SPTLC1: variants seen among roughly 807,000 people sequenced by gnomAD.
SPTLC1 encodes serine palmitoyltransferase 1.
In SPTLC1, 55 loss-of-function variants were observed where a neutral mutation model predicts 68.9. The observed-to-expected ratio is 0.80, with a 90% CI of 0.64 to 1.00. The LOEUF is 1.00. Among genes scored for constraint, SPTLC1 ranks in the 50% least tolerant of loss-of-function variants. The pLI, the probability that SPTLC1 is intolerant of heterozygous loss-of-function variation, is 0.00. For synonymous variants in SPTLC1, 197 were observed against 201.6 expected, an observed-to-expected ratio of 0.98 and a Z score of 0.19; for missense variants, 449 against 573.1, an observed-to-expected ratio of 0.78 and a Z score of 2.21.
intron 3 of SPTLC1, among the ~76,000 whole-genome samples, chr9:92,101,151 G>C (rs1319729361): frequency 6.6e-6 from 1 of 151,994 alleles, no homozygotes; most frequent in Non-Finnish European, 1.5e-5. Context: ...TTGAAATATT[G>C]ATCTTAAGAA....
At chr9:92,104,550 AC>A (rs1587612957) in intron 3 of SPTLC1, 2 of 1,448,028 alleles carry the variant, frequency 1.4e-6, no homozygotes, top group East Asian at 4.9e-5. Context: ...ATGTTTGGAC[AC>A]CTCAGCCCCG....
At chr9:92,067,939 T>C in intron 6 of SPTLC1, 27 bp downstream of exon 6, 1 of 1,611,844 alleles carries the variant, frequency 6.2e-7, no homozygotes, top group Non-Finnish European at 8.5e-7. Context: ...GGAACTGCTA[T>C]TAGAAAACTA....
chr9:92,063,256 C>CACACA (rs1834165444), intron 6 of SPTLC1, among the ~76,000 whole-genome samples: 2 of 152,146 alleles, frequency 1.3e-5, no homozygotes, highest in Admixed American at 1.3e-4. Context: ...ACATGTACAT[C>CACACA]TGACAACTTT....
chr9:92,053,153 G>A (rs181402627), intron 8 of SPTLC1, among the ~76,000 whole-genome samples: 22 of 151,786 alleles, frequency 1.4e-4, no homozygotes, highest in African/African-American at 5.3e-4. Context: ...AAGAAAAGAG[G>A]CTCAGCATCA....
intron 5 of SPTLC1, among the ~76,000 whole-genome samples, chr9:92,073,617 G>A (rs1834574487): frequency 1.3e-5 from 2 of 151,290 alleles, no homozygotes; most frequent in South Asian, 2.1e-4. Context: ...ACAGAAGGCC[G>A]CCTTATTCTT....
rs150748470 is a variant in SPTLC1, at chr9:92,049,951, G to A, written c.888+9C>T. On this transcript the variant is annotated intron_variant, in intron 9 of 14. Coordinates refer to ENST00000262554, the MANE Select transcript of SPTLC1 (RefSeq NM_006415.4). ...AGAGGGGAAACGTTCTTAAAAAAGG[G>A]GAACTTACATTGATTCCATAGTGTT... is the stretch of plus-strand genomic sequence containing the variant. 3 of 1,568,010 alleles carry A rather than the reference G, an allele frequency of 1.9e-6. No homozygotes were observed. Among genetic ancestry groups the A allele is most frequent in the Admixed American group, 1.7e-5 (1 of 59,948 alleles).
At chr9:92,052,509 G>A (rs1833735335) in intron 8 of SPTLC1, among the ~76,000 whole-genome samples, 1 of 151,730 alleles carries the variant, frequency 6.6e-6, no homozygotes, top group Non-Finnish European at 1.5e-5. Context: ...TGATAATTTT[G>A]GATTAAACAA....
intron 5 of SPTLC1, chr9:92,079,600 C>G (rs774218535): frequency 4.5e-6 from 7 of 1,555,408 alleles, no homozygotes; most frequent in East Asian, 4.5e-5. Flanking sequence ...GTTTATCCCC[C>G]CTCCCTCCAC....
At chr9:92,106,913 TTCCTC>T (rs1357767927) in intron 3 of SPTLC1, among the ~76,000 whole-genome samples, 1 of 151,996 alleles carries the variant, frequency 6.6e-6, no homozygotes, top group Non-Finnish European at 1.5e-5. Flanking sequence ...CTCCTCCTCT[TTCCTC>T]CCCTCCTCCT....
Position 92,049,970 on chromosome 9 carries a change from T to C in SPTLC1, c.878A>G (p.Tyr293Cys), listed in dbSNP as rs1173330598. Reference protein sequence around the residue: ...GEHGRGVTEHYGINIDDIDLI... With the variant: ...GEHGRGVTEHCGINIDDIDLI... ...AAAAGGGGAACTTACATTGATTCCATAGTGTTCAGTGACTCCTCGGCCATG... is the reference window on the plus strand; with the variant it reads ...AAAAGGGGAACTTACATTGATTCCACAGTGTTCAGTGACTCCTCGGCCATG... Residue 293 changes from tyrosine (Y) to cysteine (C), a missense_variant, in exon 9 of 15, where the codon TAT (tyrosine) becomes TGT (cysteine). This residue lies in a region of SPTLC1 where 391 missense variants were observed against 472.1 expected (regional missense o/e 0.83). Transcript: ENST00000262554. 7 of 1,606,772 alleles carry C rather than the reference T, an allele frequency of 4.4e-6. No homozygotes were observed. Among genetic ancestry groups the C allele is most frequent in the East Asian group, 2.2e-5 (1 of 44,850 alleles).
intron 5 of SPTLC1, among the ~76,000 whole-genome samples, chr9:92,075,804 C>T (rs534367458): frequency 5.3e-5 from 8 of 152,292 alleles, no homozygotes; most frequent in African/African-American, 1.9e-4. Context: ...CTCATGGGGA[C>T]CATTGCCTTT....
At chr9:92,068,245 C>T in intron 5 of SPTLC1, 147 bp from the exon 6 acceptor site, 1 of 768,282 alleles carries the variant, frequency 1.3e-6, no homozygotes, top group South Asian at 1.8e-5. Context: ...ATAGATTATA[C>T]AAGATCTATT....
chr9:92,047,172 C>G lies in SPTLC1; in HGVS notation c.1081G>C (p.Gly361Arg). Residue 361 changes from glycine to arginine, a missense_variant and splice_region_variant, in exon 11 of 15, where the codon GGT (glycine) becomes CGT (arginine). By Grantham distance (125) the Gly-to-Arg change is moderately radical. Coordinates refer to ENST00000262554, the MANE Select transcript of SPTLC1 (RefSeq NM_006415.4). ...TCCTTGGGTTTTTAAAGGGTTATAC[C>G]TGGATTCTCTTCCATGATGTTGAGG... Reference protein sequence around the residue: ...EALNIMEENPGIFAVLKEKCG... With the variant: ...EALNIMEENPRIFAVLKEKCG... 6 of 1,612,414 alleles carry G rather than the reference C, an allele frequency of 3.7e-6. No individual in the cohort carries two copies. The highest frequency in any genetic ancestry group is 5.1e-6 in the Non-Finnish European group (6 of 1,178,444).
At chr9:92,052,623 A>G (rs12345896) in intron 8 of SPTLC1, among the ~76,000 whole-genome samples, 24,143 of 151,376 alleles carry the variant, frequency 0.16, 2,770 homozygotes, top group African/African-American at 0.33. Context: ...TCCACATCCC[A>G]GGTTCAAGCA....
chr9:92,057,090 T>C (rs778838323), intron 7 of SPTLC1, among the ~76,000 whole-genome samples: 10 of 152,382 alleles, frequency 6.6e-5, no homozygotes, highest in Non-Finnish European at 1.2e-4. Flanking sequence ...GTCTTTCTTG[T>C]ATAAACATAT....
At position 92,088,501 on chromosome 9, in the gene SPTLC1, A is replaced by G. The variant is rs1401212336; in HGVS notation, c.261-7538T>C. 2.6e-5 allele frequency among the ~76,000 whole-genome samples: 4 copies of G among 152,196 alleles called. No homozygotes were observed. The East Asian group carries it at 7.7e-4, about 29-fold the overall frequency. ...TTCTCAAGGTTTCCTTAAGTTTCCT[A>G]AGTCCTCCCTGATTTCATAGTCAGG... On this transcript the variant is annotated intron_variant, in intron 3 of 14. Transcript: ENST00000262554.
intron 8 of SPTLC1, among the ~76,000 whole-genome samples, chr9:92,054,249 C>G (rs1413876784): frequency 1.3e-5 from 2 of 152,088 alleles, no homozygotes; most frequent in African/African-American, 4.8e-5. Flanking sequence ...CCATTGCACT[C>G]CAGCCTGGGC....
At position 92,069,830 on chromosome 9, in the gene SPTLC1, G is replaced by T. The variant is rs541068114; in HGVS notation, c.428-1732C>A. 4.6e-5 allele frequency among the ~76,000 whole-genome samples: 7 copies of T among 152,214 alleles called. No individual in the cohort carries two copies. In the South Asian group the frequency reaches 1.5e-3, roughly 32 times the overall value. On this transcript the variant is annotated intron_variant, in intron 5 of 14. Transcript: ENST00000262554. ...GGCAACAGTGGTTTGCTTTCATTTG[G>T]TATCTCCATTTCAAAAAGAAAAACA...
chr9:92,104,381 G>A (rs1170462972), intron 3 of SPTLC1: 19 of 1,398,548 alleles, frequency 1.4e-5, no homozygotes, highest in South Asian at 6.3e-5. Context: ...AACCGTCAGC[G>A]ACATCTTGGG....
Sources: gnomAD v4.1 joint callset for allele counts (sites outside exome capture counted in the v4.1 genomes callset) on GRCh38, gnomAD v4.1.1 for gene constraint, gnomAD v4.1.1 regional missense constraint, MANE v1.5 for transcripts, NCBI Gene and HGNC (gene_info 2026-07-23, HGNC 2026-07-21) for gene names.